CCDC178: variants seen among roughly 807,000 people sequenced by gnomAD.
CCDC178 encodes coiled-coil domain containing 178.
A neutral mutation model predicts 117.4 loss-of-function variants in CCDC178; 126 were observed. That is an observed-to-expected ratio of 1.07 (90% CI 0.93 to 1.24). The LOEUF (loss-of-function observed/expected upper bound fraction) is 1.24. Among genes scored for constraint, CCDC178 ranks in the 50% most tolerant of loss-of-function variants. CCDC178 has a pLI of 0.00. For missense variants in CCDC178, 1,030 were observed against 986.9 expected, an observed-to-expected ratio of 1.04 and a Z score of -0.59; for synonymous variants, 283 against 313.4, an observed-to-expected ratio of 0.90 and a Z score of 1.02.
In CCDC178 at chr18:33,323,493, G is replaced by A; in HGVS notation, c.1020C>T (p.Tyr340=). ...IYQDEKTIEA[Y]KREIYQLNSL... is the part of the protein sequence containing the mutation. Reference sequence around the variant, plus strand: ...TAGTGTTTGCGAAAAATTCTTACTTGTAGGCCTCTATGGTTTTTTCATCCT... The same window carrying A: ...TAGTGTTTGCGAAAAATTCTTACTTATAGGCCTCTATGGTTTTTTCATCCT... The change falls in exon 11 of 23, where the codon TAC becomes TAT. Residue 340 remains tyrosine, a splice_region_variant and synonymous_variant. Coordinates refer to ENST00000383096, the MANE Select transcript of CCDC178 (RefSeq NM_001105528.4). The A allele has an allele frequency of 6.7e-7, 1 of 1,495,556 alleles. No homozygotes were observed. The highest frequency in any genetic ancestry group is 8.9e-7 in the Non-Finnish European group (1 of 1,124,782). The allele number at this position is 1,495,556 out of a possible 1,614,324, so 92.6% of individuals were successfully genotyped here.
At chr18:33,285,975 A>ATTTTT (rs60956262) in intron 12 of CCDC178, among the ~76,000 whole-genome samples, 1 of 138,082 alleles carries the variant, frequency 7.2e-6, no homozygotes, top group Non-Finnish European at 1.5e-5. Context: ...AGCAATGTGT[A>ATTTTT]TTTTTTTTTT....
chr18:33,114,025 A>G (rs2057818516), intron 20 of CCDC178, among the ~76,000 whole-genome samples: 1 of 152,058 alleles, frequency 6.6e-6, no homozygotes, highest in South Asian at 2.1e-4. Context: ...AGGAAAAAAG[A>G]AAAAACAGTA....
chr18:32,947,717 G>T (rs2054388059), intron 22 of CCDC178, among the ~76,000 whole-genome samples: 1 of 151,950 alleles, frequency 6.6e-6, no homozygotes, highest in Admixed American at 6.6e-5. Flanking sequence ...TTTACATTTT[G>T]ATAAAATCCA....
intron 22 of CCDC178, among the ~76,000 whole-genome samples, chr18:32,945,333 G>A (rs2054321543): frequency 6.6e-6 from 1 of 152,082 alleles, no homozygotes; most frequent in Non-Finnish European, 1.5e-5. Context: ...TACTCCCCAA[G>A]TTTGAAACTT....
At chr18:33,403,840 T>C (rs546145338) in intron 3 of CCDC178, among the ~76,000 whole-genome samples, 1 of 152,288 alleles carries the variant, frequency 6.6e-6, no homozygotes, top group South Asian at 2.1e-4. Context: ...GGAGTCAGTA[T>C]TAGAGGGCCA....
intron 12 of CCDC178, among the ~76,000 whole-genome samples, chr18:33,284,440 A>G (rs972870855): frequency 9.2e-5 from 14 of 152,226 alleles, no homozygotes; most frequent in Admixed American, 7.9e-4. Context: ...TGTAAAATAT[A>G]ATATTGAAAT....
chr18:33,090,174 A>G (rs2057441779), intron 21 of CCDC178, among the ~76,000 whole-genome samples: 1 of 152,170 alleles, frequency 6.6e-6, no homozygotes, highest in African/African-American at 2.4e-5. Context: ...GTAAGGGGAC[A>G]TTATTTTCCA....
chr18:33,420,938 A>G (rs1195636887), intron 2 of CCDC178, among the ~76,000 whole-genome samples: 2 of 152,226 alleles, frequency 1.3e-5, no homozygotes, highest in African/African-American at 2.4e-5. Flanking sequence ...TGGAACTTAG[A>G]AAATATTTTG....
intron 20 of CCDC178, among the ~76,000 whole-genome samples, chr18:33,111,531 T>G (rs901712666): frequency 2.6e-5 from 4 of 151,684 alleles, no homozygotes; most frequent in African/African-American, 9.7e-5. Context: ...GGCTGGAAAT[T>G]GCTTACTTTG....
chr18:33,120,960 GT>G (rs2057928765), intron 20 of CCDC178, among the ~76,000 whole-genome samples: 1 of 152,036 alleles, frequency 6.6e-6, no homozygotes, highest in African/African-American at 2.4e-5. Context: ...ATATATGACT[GT>G]TTTTATTTGG....
intron 21 of CCDC178, among the ~76,000 whole-genome samples, chr18:33,069,503 C>A (rs749788273): frequency 1.3e-5 from 2 of 152,030 alleles, no homozygotes; most frequent in Non-Finnish European, 2.9e-5. Flanking sequence ...ATTTCTGGCT[C>A]TCACCATAAG....
chr18:33,368,614 G>A (rs983994240), intron 6 of CCDC178, among the ~76,000 whole-genome samples: 1 of 151,880 alleles, frequency 6.6e-6, no homozygotes, highest in African/African-American at 2.4e-5. Context: ...AGAGCACCAA[G>A]TCGGATTCAG....
intron 20 of CCDC178, among the ~76,000 whole-genome samples, chr18:33,167,291 G>T (rs757542558): frequency 1.4e-4 from 22 of 152,036 alleles, no homozygotes; most frequent in Non-Finnish European, 2.2e-4. Context: ...CTCAATAATG[G>T]AATTGCTGGG....
In CCDC178 at chr18:33,212,279, T is replaced by C. The variant is rs534130047; in HGVS notation, c.2079-224A>G. On this transcript the variant is annotated intron_variant, in intron 19 of 22. Transcript: ENST00000383096. ...ATGGAAGAACAGTGTATTCTCTTGG[T>C]TGCCTATCCAGCATGCTTTTGTTCT... Among the ~76,000 whole-genome samples the C allele has an allele frequency of 3.9e-5, 6 of 152,114 alleles. No individual in the cohort carries two copies. In the East Asian group the frequency reaches 1.2e-3, roughly 29 times the overall value.
At chr18:33,282,887 G>A (rs2060043382) in intron 12 of CCDC178, among the ~76,000 whole-genome samples, 1 of 152,116 alleles carries the variant, frequency 6.6e-6, no homozygotes, top group Non-Finnish European at 1.5e-5. Context: ...GCCACACCCT[G>A]AGTGATCACT....
At chr18:33,233,122 G>A (rs964890885) in intron 15 of CCDC178, among the ~76,000 whole-genome samples, 4 of 152,160 alleles carry the variant, frequency 2.6e-5, no homozygotes, top group African/African-American at 7.2e-5. Context: ...TTCAGTGGCT[G>A]TTACGTTAAC....
chr18:33,182,499 T>A (rs2058743606), intron 20 of CCDC178, among the ~76,000 whole-genome samples: 1 of 152,012 alleles, frequency 6.6e-6, no homozygotes, highest in South Asian at 2.1e-4. Context: ...AAAATCTCAC[T>A]CTTTATATTG....
At chr18:33,059,560 G>T (rs1363010329) in intron 21 of CCDC178, among the ~76,000 whole-genome samples, 2 of 152,288 alleles carry the variant, frequency 1.3e-5, no homozygotes, top group East Asian at 3.9e-4. Flanking sequence ...TATGGTGAGT[G>T]AGTGCCAGAC....
At chr18:33,054,997 T>G (rs1244127512) in intron 21 of CCDC178, among the ~76,000 whole-genome samples, 1 of 152,232 alleles carries the variant, frequency 6.6e-6, no homozygotes, top group African/African-American at 2.4e-5. Context: ...GGTATCTCAT[T>G]GTGGTTTGAA....
Sources: gnomAD v4.1 joint callset for allele counts (sites outside exome capture counted in the v4.1 genomes callset) on GRCh38, gnomAD v4.1.1 for gene constraint, MANE v1.5 for transcripts, NCBI Gene and HGNC (gene_info 2026-07-23, HGNC 2026-07-21) for gene names.